Variants in TTC28 observed in about 807,000 individuals in gnomAD.
TTC28 encodes tetratricopeptide repeat domain 28.
In TTC28, 61 loss-of-function variants were observed where a neutral mutation model predicts 198.0. That is an observed-to-expected ratio of 0.31 (90% confidence interval 0.25 to 0.38). The LOEUF (loss-of-function observed/expected upper bound fraction) is 0.38. Ranked by LOEUF, TTC28 falls within the 10% of genes least tolerant of loss-of-function variation. The pLI is 1.00. For synonymous variants in TTC28, 1,171 were observed against 1,297.8 expected (o/e 0.90, Z 2.10); for missense variants, 2,678 against 3,164.0 (o/e 0.85, Z 3.69).
chr22:28,010,931 T>G (rs989315662), intron 14 of TTC28, among the ~76,000 whole-genome samples: 3 of 152,174 alleles, frequency 2.0e-5, no homozygotes, highest in African/African-American at 7.2e-5. Flanking sequence ...TACCAGGCCT[T>G]GTAACAGCTG....
intron 2 of TTC28, among the ~76,000 whole-genome samples, chr22:28,551,054 T>G (rs1314876689): frequency 6.6e-6 from 1 of 151,864 alleles, no homozygotes; most frequent in Admixed American, 6.6e-5. Flanking sequence ...GCCCCCAAAT[T>G]TATAAAACAA....
chr22:28,429,327 T>C (rs994271339), intron 2 of TTC28, among the ~76,000 whole-genome samples: 1 of 152,156 alleles, frequency 6.6e-6, no homozygotes, highest in East Asian at 1.9e-4. Flanking sequence ...CAAAGCTACC[T>C]TTCTCCCTCC....
rs1320215634 is a variant in TTC28, at chr22:28,107,834, A to G, written c.2011T>C (p.Leu671=). 25 of 1,551,758 alleles carry G rather than the reference A, an allele frequency of 1.6e-5. 1 individual carries two copies. In the East Asian group the frequency reaches 5.9e-4, roughly 36 times the overall value. Residue 671 remains leucine, a synonymous_variant, in exon 7 of 23, where the codon TTG becomes CTG. Transcript: ENST00000397906. ...LALAKDLHDK[L]SQAKAYCNLG... ...TTGCAGTAGGCTTTTGCTTGGCTCA[A>G]CTTGTCGTGAAGGTCTTTAGCCAGT...
chr22:28,141,679 T>G (rs1943339865), intron 6 of TTC28, among the ~76,000 whole-genome samples: 1 of 152,154 alleles, frequency 6.6e-6, no homozygotes, highest in African/African-American at 2.4e-5. Flanking sequence ...TGTGCTCTTT[T>G]TCACACTCAC....
intron 13 of TTC28, among the ~76,000 whole-genome samples, chr22:28,015,308 C>A (rs1223671441): frequency 6.6e-6 from 1 of 151,936 alleles, no homozygotes; most frequent in African/African-American, 2.4e-5. Context: ...TGTGGCCTGG[C>A]CACTGTGGCC....
intron 2 of TTC28, among the ~76,000 whole-genome samples, chr22:28,552,143 AT>A (rs941830276): frequency 8.5e-5 from 13 of 152,202 alleles, no homozygotes; most frequent in African/African-American, 3.1e-4. Flanking sequence ...CACAAAAAAA[AT>A]AATAAAATAC....
chr22:27,988,757 G>A (rs983243634), intron 21 of TTC28, among the ~76,000 whole-genome samples: 7 of 149,982 alleles, frequency 4.7e-5, no homozygotes, highest in Admixed American at 3.3e-4. Flanking sequence ...CCCCTACCCC[G>A]CCCCGACCCC....
intron 2 of TTC28, among the ~76,000 whole-genome samples, chr22:28,419,435 G>A (rs1385611319): frequency 2.0e-5 from 3 of 152,108 alleles, no homozygotes; most frequent in African/African-American, 7.2e-5. Context: ...CCTCTCCTAT[G>A]TAAATATCTG....
intron 1 of TTC28, among the ~76,000 whole-genome samples, chr22:28,633,258 C>T (rs1249331555): frequency 3.8e-5 from 5 of 133,234 alleles, no homozygotes. Context: ...CCAGTCTGGG[C>T]AACAAGAACA....
intron 13 of TTC28, chr22:28,028,895 A>G (rs1438398745): frequency 2.3e-6 from 1 of 432,292 alleles, no homozygotes; most frequent in Non-Finnish European, 4.8e-6. Context: ...ACAGATGACG[A>G]GACTGAGGCT....
chr22:28,527,366 T>G (rs1489856192), intron 2 of TTC28, among the ~76,000 whole-genome samples: 1 of 152,192 alleles, frequency 6.6e-6, no homozygotes, highest in African/African-American at 2.4e-5. Context: ...CCTGCATGCA[T>G]TAATGCCGCC....
chr22:28,049,239 C>T lies in TTC28; in HGVS notation c.3933-18873G>A, dbSNP rs558911567. On this transcript the variant is annotated intron_variant, in intron 12 of 22. Transcript: ENST00000397906. The stretch of plus-strand genomic sequence containing the variant: ...GGAGATGTGCCACAGGAGCAGCACA[C>T]CACCTTCAGAACAGCTGCGAAATGG... 3.3e-5 allele frequency among the ~76,000 whole-genome samples: 5 copies of T among 152,296 alleles called. No homozygotes were observed. The East Asian group carries it at 5.8e-4, about 18-fold the overall frequency.
At position 28,105,686 on chromosome 22, in the gene TTC28, T is replaced by G; in HGVS notation, c.2900A>C (p.His967Pro). ...AQAYGELGSLHSQLGNYEQAI... is the reference protein window; with the variant it reads ...AQAYGELGSLPSQLGNYEQAI... ...TTGTTCGTAATTCCCTAATTGGCTG[T>G]GCAGACTTCCCAGCTCTCCATAGGC... Residue 967 changes from histidine to proline, a missense_variant, in exon 8 of 23, where the codon CAC becomes CCC. His to Pro is a moderately conservative substitution (Grantham distance 77). Transcript: ENST00000397906. The G allele has an allele frequency of 6.4e-7, 1 of 1,551,896 alleles. No individual in the cohort carries two copies. The highest frequency in any genetic ancestry group is 8.7e-7 in the Non-Finnish European group (1 of 1,147,048).
At chr22:28,469,197 A>G (rs2048067053) in intron 2 of TTC28, among the ~76,000 whole-genome samples, 2 of 152,142 alleles carry the variant, frequency 1.3e-5, no homozygotes, top group Non-Finnish European at 2.9e-5. Context: ...GGAACTGATA[A>G]TCAACCATCT....
intron 5 of TTC28, among the ~76,000 whole-genome samples, chr22:28,204,177 G>A (rs536404659): frequency 2.6e-5 from 4 of 152,094 alleles, no homozygotes; most frequent in South Asian, 2.1e-4. Flanking sequence ...TATGTATCCC[G>A]GATTAAACCG....
intron 2 of TTC28, among the ~76,000 whole-genome samples, chr22:28,408,515 C>T (rs531050570): frequency 2.6e-5 from 4 of 152,196 alleles, no homozygotes; most frequent in South Asian, 2.1e-4. Context: ...CTCAGCCTCC[C>T]GAGTAGCTGA....
In TTC28 at chr22:27,985,274, C is replaced by T. The variant is rs747447897; in HGVS notation, c.5790G>A (p.Ala1930=). The T allele has an allele frequency of 3.2e-6, 5 of 1,551,392 alleles. No homozygotes were observed. In the South Asian group the frequency reaches 3.6e-5, roughly 11 times the overall value. The part of the protein sequence containing the change: ...KQANRRTVHF[A]LQSLLSLFDS... ...CAAACAGAGACAGCAGGGACTGGAG[C>T]GCGAAGTGCACAGTCCGTCGATTAG... The change falls in exon 22 of 23, where the codon GCG becomes GCA. Residue 1930 remains alanine, a synonymous_variant. Coordinates refer to ENST00000397906, the MANE Select transcript of TTC28 (RefSeq NM_001145418.2).
chr22:28,595,617 A>G lies in TTC28; in HGVS notation c.381+33935T>C, dbSNP rs186058168. 1.4e-4 allele frequency among the ~76,000 whole-genome samples: 22 copies of G among 152,290 alleles called. No homozygotes were observed. In the East Asian group the frequency reaches 3.5e-3, roughly 24 times the overall value. ...TCAGTCATTTGTTGAACAAACGATT[A>G]CATATCTTTAATAAGTAATAATATG... On this transcript the variant is annotated intron_variant, in intron 2 of 22. Transcript: ENST00000397906.
At chr22:28,136,681 G>A (rs1943206761) in intron 6 of TTC28, among the ~76,000 whole-genome samples, 2 of 152,166 alleles carry the variant, frequency 1.3e-5, no homozygotes, top group African/African-American at 2.4e-5. Context: ...GGGAAGGAGA[G>A]GTTATGGTGT....
Sources: allele counts gnomAD v4.1 joint callset (sites outside exome capture counted in the v4.1 genomes callset), GRCh38; gene constraint gnomAD v4.1.1; transcripts MANE v1.5; gene names NCBI Gene and HGNC (gene_info 2026-07-23, HGNC 2026-07-21).